The following IGSF1 variants were observed in gnomAD, a reference collection of about 807,000 sequenced individuals.
IGSF1 encodes immunoglobulin superfamily member 1, also known as immunoglobulin-like domain-containing protein 1.
IGSF1 carries 40 observed loss-of-function variants against 95.3 expected under a neutral mutation model. The ratio of observed to expected loss-of-function variants is 0.42; its 90% CI spans 0.33 to 0.55. IGSF1 has a LOEUF of 0.55. Ranked by LOEUF, IGSF1 falls within the 20% of genes least tolerant of loss-of-function variation. IGSF1 has a pLI of 0.10. For synonymous variants in IGSF1, 372 were observed against 382.9 expected, an observed-to-expected ratio of 0.97 and a Z score of 0.33; for missense variants, 906 against 1,025.4, an observed-to-expected ratio of 0.88 and a Z score of 1.59.
intron 5 of IGSF1, chrX:131,284,101 A>T (rs909766805): frequency 1.4e-6 from 1 of 721,504 alleles, no homozygotes; most frequent in Non-Finnish European, 1.6e-6. Flanking sequence ...ACAAACATTC[A>T]TACACTCAGT....
chrX:131,288,950 G>C (rs770531847), intron 1 of IGSF1: 1 of 238,256 alleles, frequency 4.2e-6, no homozygotes, highest in East Asian at 1.1e-4. Context: ...CCGGGTACAT[G>C]CTCAGCTGAG....
At chrX:131,278,210 C>T in intron 12 of IGSF1, 76 bp from the exon 13 acceptor site, 2 of 1,015,087 alleles carry the variant, frequency 2.0e-6, no homozygotes, top group Non-Finnish European at 2.7e-6. Context: ...GTCACTTTGT[C>T]AGCAAATAAA....
Position 131,276,177 on chromosome X carries a change from G to T in IGSF1, c.2680C>A (p.Arg894Ser). Residue 894 changes from arginine to serine, a missense_variant, in exon 15 of 20, where the codon CGC (arginine) becomes AGC (serine). By Grantham distance (110) the Arg-to-Ser change is moderately radical. Around this residue, in one of 5 missense-constraint regions of IGSF1, gnomAD observed 411 missense variants for 494.9 expected, o/e 0.83. Transcript: ENST00000361420. The part of the protein sequence containing the change: ...VVFPGKSVIL[R>S]CQGTFQGMRF... Reference sequence around the variant, plus strand: ...ATGCCCTGGAAAGTCCCTTGGCAGCGCAGGATCACACTCTTCCCAGGAAAC... The same window carrying T: ...ATGCCCTGGAAAGTCCCTTGGCAGCTCAGGATCACACTCTTCCCAGGAAAC... 3 of 1,209,527 alleles carry T rather than the reference G, an allele frequency of 2.5e-6. No homozygotes were observed. The highest frequency in any genetic ancestry group is 3.0e-5 in the East Asian group (1 of 33,821).
chrX:131,286,142 A>C (rs1287410140), intron 3 of IGSF1, 94 bp from the exon 4 acceptor site: 1 of 824,968 alleles, frequency 1.2e-6, no homozygotes, highest in African/African-American at 2.1e-5. Flanking sequence ...GCCCGGACCC[A>C]GATCCCTCAT....
Position 131,278,736 on chromosome X carries a change from G to A in IGSF1, c.1766C>T (p.Thr589Ile). The change falls in exon 12 of 20, where the codon ACC (threonine) becomes ATC (isoleucine). Residue 589 changes from threonine (T) to isoleucine (I), a missense_variant. Around this residue, in one of 5 missense-constraint regions of IGSF1, gnomAD observed 442 missense variants for 448.1 expected, o/e 0.99. Coordinates refer to ENST00000361420, the MANE Select transcript of IGSF1 (RefSeq NM_001555.5). Reference sequence around the variant, plus strand: ...CTCTGCCCACAGCTCAGGCTTAGGGGTTGGCATGACTATTTCTAGAAACAG... The same window carrying A: ...CTCTGCCCACAGCTCAGGCTTAGGGATTGGCATGACTATTTCTAGAAACAG... ...LIEETEIVMPTPKPELWAETN... is the reference protein window; with the variant it reads ...LIEETEIVMPIPKPELWAETN... 3.3e-6 allele frequency: 4 copies of A among 1,208,740 alleles called. No individual in the cohort carries two copies. Among genetic ancestry groups the A allele is most frequent in the Non-Finnish European group, 4.5e-6 (4 of 893,719 alleles).
At chrX:131,280,621 G>A (rs1418551924) in intron 9 of IGSF1, among the ~76,000 whole-genome samples, 2 of 111,970 alleles carry the variant, frequency 1.8e-5, no homozygotes. Context: ...TTTGGCCTGT[G>A]AGTTTGTGAG....
chrX:131,274,374 C>A (rs1176648875), intron 18 of IGSF1, among the ~76,000 whole-genome samples, 168 bp from the exon 19 acceptor site: 1 of 111,967 alleles, frequency 8.9e-6, no homozygotes, highest in Non-Finnish European at 1.9e-5. Context: ...GAAGCAGAAG[C>A]AGCCCTCCTT....
chrX:131,276,551 C>G (rs149887204), intron 14 of IGSF1, among the ~76,000 whole-genome samples: 114 of 111,524 alleles, frequency 1.0e-3, no homozygotes, highest in Middle Eastern at 4.6e-3. Flanking sequence ...TCAAGGTCTT[C>G]TCCCTTTCTC....
intron 1 of IGSF1, among the ~76,000 whole-genome samples, chrX:131,288,404 G>T (rs929019396): frequency 9.0e-6 from 1 of 111,711 alleles, no homozygotes; most frequent in Non-Finnish European, 1.9e-5. Context: ...CCAGGCCAAA[G>T]CTTGGATGCT....
At position 131,276,952 on chromosome X, in the gene IGSF1, C is replaced by T; in HGVS notation, c.2595G>A (p.Glu865=). ...SIWSEPSDPV[E]LVVTEFYPKP... ...CCCCCTCCTAACCTGTCACCACGAGCTCCACAGGGTCGCTGGGCTCAGACC... is the reference window on the plus strand; with the variant it reads ...CCCCCTCCTAACCTGTCACCACGAGTTCCACAGGGTCGCTGGGCTCAGACC... Residue 865 remains glutamate, a synonymous_variant, in exon 14 of 20, where the codon GAG becomes GAA. Transcript: ENST00000361420. The T allele has an allele frequency of 8.3e-7, 1 of 1,211,173 alleles. No homozygotes were observed. The highest frequency in any genetic ancestry group is 1.1e-6 in the Non-Finnish European group (1 of 895,096).
intron 3 of IGSF1, 132 bp from the exon 4 acceptor site, chrX:131,286,180 G>T: frequency 1.7e-6 from 1 of 598,528 alleles, no homozygotes; most frequent in Non-Finnish European, 2.6e-6. Flanking sequence ...ACAGGAGTGT[G>T]CTCCTGTGGG....
chrX:131,276,019 C>T lies in IGSF1; in HGVS notation c.2838G>A (p.Glu946=), dbSNP rs1221960001. ...DSGNYSCIYY[E]TTMSNRGSYL... is the part of the protein sequence containing the mutation. ...ATGACCCCCTGTTTGACATGGTTGT[C>T]TCATAGTAGATACAGCTATAGTTCC... Residue 946 remains glutamate (E), a synonymous_variant, in exon 15 of 20, where the codon GAG becomes GAA. Transcript: ENST00000361420. 8.3e-7 allele frequency: 1 copy of T among 1,210,097 alleles called. No individual in the cohort carries two copies. The highest frequency in any genetic ancestry group is 2.2e-5 in the Admixed American group (1 of 45,937).
chrX:131,284,213 A>C, intron 5 of IGSF1: 1 of 344,101 alleles, frequency 2.9e-6, no homozygotes. Context: ...CACTGTACAT[A>C]TATATTTAGG....
rs772636261 is a variant in IGSF1, at chrX:131,276,963, C to T, written c.2584G>A (p.Asp862Asn). ...YDFSIWSEPSDPVELVVTEFY... is the reference protein window; with the variant it reads ...YDFSIWSEPSNPVELVVTEFY... ...CCTGTCACCACGAGCTCCACAGGGT[C>T]GCTGGGCTCAGACCAGATAGAAAAG... Residue 862 changes from aspartate to asparagine, a missense_variant, in exon 14 of 20, where the codon GAC becomes AAC. Physicochemically the swap from Asp to Asn is conservative, Grantham distance 23 (BLOSUM62 1). Coordinates refer to ENST00000361420, the MANE Select transcript of IGSF1 (RefSeq NM_001555.5). 3.3e-6 allele frequency: 4 copies of T among 1,209,428 alleles called. No individual in the cohort carries two copies. Among genetic ancestry groups the T allele is most frequent in the South Asian group, 3.5e-5 (2 of 56,688 alleles).
At chrX:131,285,072 A>G (rs747023668) in intron 5 of IGSF1, 107 bp downstream of exon 5, 1 of 1,114,095 alleles carries the variant, frequency 9.0e-7, no homozygotes, top group Non-Finnish European at 1.2e-6. Context: ...GGGGCCTTGC[A>G]GGGCCTAGAA....
intron 15 of IGSF1, 27 bp downstream of exon 15, chrX:131,275,934 C>T: frequency 3.3e-6 from 4 of 1,200,268 alleles, no homozygotes; most frequent in South Asian, 3.6e-5. Context: ...GATCTCCATC[C>T]CAGTCCCATG....
rs2080472723 is a variant in IGSF1, at chrX:131,276,266, A to G, written c.2609-18T>C. 2 of 1,184,273 alleles carry G rather than the reference A, an allele frequency of 1.7e-6. No homozygotes were observed. Among genetic ancestry groups the G allele is most frequent in the Non-Finnish European group, 2.3e-6 (2 of 880,149 alleles). The stretch of plus-strand genomic sequence containing the variant: ...GTAGAATTCTGAAATTAAAGAGACC[A>G]CAGCATGAGATAAACCCAGCCCTCA... On this transcript the variant is annotated intron_variant, in intron 14 of 19. Transcript: ENST00000361420.
rs751459717 is a variant in IGSF1, at chrX:131,275,164, C to T, written c.3307G>A (p.Ala1103Thr). The change falls in exon 17 of 20, where the codon GCT (alanine) becomes ACT (threonine). Residue 1103 changes from alanine (A) to threonine (T), a missense_variant. By Grantham distance (58) the Ala-to-Thr change is moderately conservative (BLOSUM62 0). Coordinates refer to ENST00000361420, the MANE Select transcript of IGSF1 (RefSeq NM_001555.5). ...DSTFVLLKEG[A>T]QEPLEQQRPS... ...CTCTGTTGCTCTAAAGGCTCCTGAG[C>T]CCCCTCCTTCAACAGGACAAATGTT... 1 of 1,211,819 alleles carries T rather than the reference C, an allele frequency of 8.3e-7. No individual in the cohort carries two copies. The highest frequency in any genetic ancestry group is 1.1e-6 in the Non-Finnish European group (1 of 895,414).
chrX:131,277,644 C>T (rs372680757), intron 13 of IGSF1: 12 of 402,465 alleles, frequency 3.0e-5, no homozygotes, highest in African/African-American at 1.2e-4. Flanking sequence ...TCACCCTCCA[C>T]GAACCAAAGC....
Sources: gnomAD v4.1 joint callset for allele counts (sites outside exome capture counted in the v4.1 genomes callset) on GRCh38, gnomAD v4.1.1 for gene constraint, gnomAD v4.1.1 regional missense constraint, MANE v1.5 for transcripts, NCBI Gene and HGNC (gene_info 2026-07-23, HGNC 2026-07-21) for gene names.